Variants in HTRA2 observed in about 807,000 individuals in gnomAD.
The protein encoded by HTRA2 is serine protease HTRA2, mitochondrial.
A neutral mutation model predicts 42.2 loss-of-function variants in HTRA2; 24 were observed. The ratio of observed to expected loss-of-function variants is 0.57; its 90% CI spans 0.41 to 0.80. The LOEUF is 0.80. HTRA2 is among the 30% of genes least tolerant of loss of function. The pLI is 0.00. For missense variants in HTRA2, 466 were observed against 613.5 expected (o/e 0.76, Z 2.54); for synonymous variants, 245 against 255.8 (o/e 0.96, Z 0.40).
upstream of HTRA2, chr2:74,529,750 T>C: frequency 6.7e-7 from 1 of 1,499,042 alleles, no homozygotes; most frequent in Admixed American, 2.3e-5. Context: ...CCCGAAGTCC[T>C]GAGGCGCGCC....
At position 74,530,121 on chromosome 2, in the gene HTRA2, C is replaced by G. The variant is rs1467468369; in HGVS notation, c.115C>G (p.Leu39Val). The change falls in exon 1 of 8, where the codon CTG becomes GTG. Residue 39 changes from leucine to valine, a missense_variant. Leu to Val is a conservative substitution (Grantham distance 32). Coordinates refer to ENST00000258080, the MANE Select transcript of HTRA2 (RefSeq NM_013247.5). The surrounding 1 kb of genome is among the most constrained non-coding windows in gnomAD (Gnocchi z 7.4). ...TTTGACCCCTGACCTCCGGGCCCTG[C>G]TGACGTCAGGAACTTCTGACCCCCG... ...PRLTPDLRALLTSGTSDPRAR... is the reference protein window; with the variant it reads ...PRLTPDLRALVTSGTSDPRAR... The G allele has an allele frequency of 4.3e-6, 7 of 1,611,086 alleles. No individual in the cohort carries two copies. The Admixed American group carries it at 1.2e-4, about 27-fold the overall frequency.
At chr2:74,531,489 T>C (rs1675597592) in intron 4 of HTRA2, 108 bp from the exon 5 acceptor site, 2 of 1,606,468 alleles carry the variant, frequency 1.2e-6, no homozygotes, top group South Asian at 2.2e-5. Context: ...GTTGGCTATC[T>C]CTCAATATCC....
upstream of HTRA2, chr2:74,529,652 G>GGCC: frequency 6.5e-7 from 1 of 1,548,184 alleles, no homozygotes; most frequent in Non-Finnish European, 8.7e-7. Flanking sequence ...AGGAGCGCCC[G>GGCC]GCCGTCGCCG....
At chr2:74,531,769 G>C in intron 5 of HTRA2, 67 bp downstream of exon 5, 24 of 1,611,838 alleles carry the variant, frequency 1.5e-5, no homozygotes, top group Non-Finnish European at 2.0e-5. Context: ...GCATTCAGTG[G>C]GACTTCCTGG....
chr2:74,532,977 A>C lies in HTRA2; in HGVS notation c.1369A>C (p.Thr457Pro). The C allele has an allele frequency of 6.2e-7, 1 of 1,613,942 alleles. No homozygotes were observed. The highest frequency in any genetic ancestry group is 8.5e-7 in the Non-Finnish European group (1 of 1,179,920). Residue 457 changes from threonine (T) to proline (P), a missense_variant, in exon 8 of 8, where the codon ACA (threonine) becomes CCA (proline). Transcript: ENST00000258080. The part of the protein sequence containing the change: ...TLTLYVTPEV[T>P]E The stretch of plus-strand genomic sequence containing the variant: ...GACCTTATATGTGACCCCTGAGGTC[A>C]CAGAATGAATAGATCACCAAGAGTA...
At chr2:74,529,668 G>A (rs753134930), upstream of HTRA2, 16 of 1,543,852 alleles carry the variant, frequency 1.0e-5, no homozygotes, top group East Asian at 4.9e-5. Context: ...CGCCGCCGCC[G>A]CCATTTTCGC....
rs766021850 is a variant in HTRA2 at position 74,530,015 on chromosome 2, G to A, written c.9G>A (p.Ala3=). ...CAGCCAAGGCGGAGCTGATGGCTGC[G>A]CCGAGGGCGGGGCGGGGTGCAGGCT... MA[A]PRAGRGAGWS... is the part of the protein sequence containing the mutation. The change falls in exon 1 of 8, where the codon GCG becomes GCA. Residue 3 remains alanine, a synonymous_variant. Transcript: ENST00000258080. The surrounding 1 kb of genome is among the most constrained non-coding windows in gnomAD (Gnocchi z 7.4). 4 of 1,539,446 alleles carry A rather than the reference G, an allele frequency of 2.6e-6. No homozygotes were observed. The highest frequency in any genetic ancestry group is 1.2e-5 in the South Asian group (1 of 81,266).
chr2:74,530,290 C>A lies in HTRA2; in HGVS notation c.284C>A (p.Ala95Asp). 2 of 1,603,522 alleles carry A rather than the reference C, an allele frequency of 1.2e-6. No individual in the cohort carries two copies. Residue 95 changes from alanine (A) to aspartate (D), a missense_variant, in exon 1 of 8, where the codon GCC becomes GAC. Around this residue, in one of 3 missense-constraint regions of HTRA2, gnomAD observed 222 missense variants for 205.1 expected, o/e 1.08. Transcript: ENST00000258080. The surrounding 1 kb of genome is among the most constrained non-coding windows in gnomAD (Gnocchi z 7.4). ...AVTPDTRTRE[A>D]SENSGTRSRA... The stretch of plus-strand genomic sequence containing the variant: ...ACCCCAGATACCAGGACCCGGGAGG[C>A]CTCAGAGAACTCTGGAACCCGTTCG...
intron 6 of HTRA2, 133 bp from the exon 7 acceptor site, chr2:74,532,486 C>T: frequency 2.8e-6 from 2 of 726,712 alleles, no homozygotes; most frequent in Non-Finnish European, 4.9e-6. Context: ...AAGTGAGTTG[C>T]CATTGTATTT....
chr2:74,531,277 C>T, intron 3 of HTRA2, 62 bp from the exon 4 acceptor site: 4 of 1,589,572 alleles, frequency 2.5e-6, no homozygotes, highest in South Asian at 2.2e-5. Flanking sequence ...GTACCTACAT[C>T]CTGGTATGCC....
chr2:74,533,424 C>T (rs1471902362), downstream of HTRA2: 8 of 600,412 alleles, frequency 1.3e-5, no homozygotes, highest in African/African-American at 9.3e-5. Flanking sequence ...TGCTTGGCTA[C>T]AGATACTGAC....
Position 74,530,457 on chromosome 2 carries a change from G to C in HTRA2, c.451G>C (p.Ala151Pro). ...TCCCCGGAGTCAGTACAACTTCATC[G>C]CAGATGTGGTGGAGAAGACAGCACC... The part of the protein sequence containing the change: ...ASPRSQYNFI[A>P]DVVEKTAPAV... The change falls in exon 1 of 8, where the codon GCA becomes CCA. Residue 151 changes from alanine (A) to proline (P), a missense_variant. This residue lies in a region of HTRA2 where 115 missense variants were observed against 245.4 expected (regional missense o/e 0.47). Coordinates refer to ENST00000258080, the MANE Select transcript of HTRA2 (RefSeq NM_013247.5). The surrounding 1 kb of genome is among the most constrained non-coding windows in gnomAD (Gnocchi z 7.4). The C allele has an allele frequency of 6.2e-7, 1 of 1,606,844 alleles. No individual in the cohort carries two copies. Among genetic ancestry groups the C allele is most frequent in the Non-Finnish European group, 8.5e-7 (1 of 1,179,926 alleles).
upstream of HTRA2, chr2:74,529,610 G>C (rs751063527): frequency 1.3e-6 from 2 of 1,568,270 alleles, no homozygotes; most frequent in Non-Finnish European, 1.7e-6. Context: ...CTCCGGCCCC[G>C]GCCCTGAGGG....
chr2:74,531,970 C>T (rs763098756), intron 6 of HTRA2, 45 bp downstream of exon 6: 12 of 1,539,456 alleles, frequency 7.8e-6, no homozygotes, highest in Non-Finnish European at 1.1e-5. Flanking sequence ...CCAGTGTAAT[C>T]AGAGGGGGGC....
Position 74,531,051 on chromosome 2 carries a change from C to T in HTRA2, c.852C>T (p.Asp284=), listed in dbSNP as rs371440746. The T allele has an allele frequency of 3.8e-5, 61 of 1,614,060 alleles. No homozygotes were observed. The highest frequency in any genetic ancestry group is 4.9e-5 in the Non-Finnish European group (58 of 1,180,042). Residue 284 remains aspartate (D), a synonymous_variant, in exon 3 of 8, where the codon GAC becomes GAT. Coordinates refer to ENST00000258080, the MANE Select transcript of HTRA2 (RefSeq NM_013247.5). ...GCTCTGCTCAGCGTCCAGCCAGAGA[C>T]CTGGGACTCCCCCAAACCAATGTGG... ...IVSSAQRPAR[D]LGLPQTNVEY...
chr2:74,532,374 G>C (rs1310125727), intron 6 of HTRA2: 1 of 534,118 alleles, frequency 1.9e-6, no homozygotes, highest in African/African-American at 1.9e-5. Context: ...TAGTATTCTA[G>C]AATGACATTA....
At chr2:74,532,127 C>T (rs1338997255) in intron 6 of HTRA2, among the ~76,000 whole-genome samples, 2 of 152,114 alleles carry the variant, frequency 1.3e-5, no homozygotes, top group African/African-American at 4.8e-5. Flanking sequence ...TTGATTTCAT[C>T]CTGTTACTGC....
In HTRA2 at chr2:74,530,321, G is replaced by A. The variant is rs763957866; in HGVS notation, c.315G>A (p.Ala105=). The part of the protein sequence containing the change: ...ASENSGTRSR[A]WLAVALGAGG... ...AGAACTCTGGAACCCGTTCGCGCGC[G>A]TGGCTGGCGGTGGCGCTGGGCGCTG... Residue 105 remains alanine, a synonymous_variant, in exon 1 of 8, where the codon GCG becomes GCA. Transcript: ENST00000258080. The surrounding 1 kb of genome is among the most constrained non-coding windows in gnomAD (Gnocchi z 7.4). 1 of 1,594,730 alleles carries A rather than the reference G, an allele frequency of 6.3e-7. No individual in the cohort carries two copies. The highest frequency in any genetic ancestry group is 1.3e-5 in the African/African-American group (1 of 74,390).
rs1377402961 is a variant in HTRA2, at chr2:74,531,896, TGG to T, written c.1089_1090del (p.Val364AspfsTer12). 1 of 1,614,046 alleles carries T rather than the reference TGG, an allele frequency of 6.2e-7. No homozygotes were observed. Among genetic ancestry groups the T allele is most frequent in the African/African-American group, 1.3e-5 (1 of 74,986 alleles). ...TCAGTGGGTCCCAGCGGCGCTACAT[TGG>T]GGTGATGATGCTGACCCTGAGTCCC... ...GISGSQRRYIGVMMLTLSPSI... is the reference protein window; with the variant it reads ...GISGSQRRYIXVMMLTLSPSI... On this transcript the variant is annotated frameshift_variant, in exon 6 of 8. Transcript: ENST00000258080. LOFTEE classifies it high-confidence loss of function.
Sources: allele counts gnomAD v4.1 joint callset (sites outside exome capture counted in the v4.1 genomes callset), GRCh38; gene constraint gnomAD v4.1.1; regional missense constraint gnomAD v4.1.1; non-coding constraint Gnocchi (gnomAD v3.1); transcripts MANE v1.5; gene names NCBI Gene and HGNC (gene_info 2026-07-23, HGNC 2026-07-21).